CACNA1I: variants seen among roughly 807,000 people sequenced by gnomAD.
CACNA1I encodes the protein calcium voltage-gated channel subunit alpha1 I.
CACNA1I carries 74 observed loss-of-function variants against 201.6 expected under a neutral mutation model. The observed-to-expected ratio is 0.37, with a 90% confidence interval of 0.30 to 0.45. The LOEUF is 0.45. Ranked by LOEUF, CACNA1I falls within the 20% of genes least tolerant of loss-of-function variation. The pLI, the probability that CACNA1I is intolerant of heterozygous loss-of-function variation, is 1.00. For synonymous variants in CACNA1I, 1,431 were observed against 1,345.2 expected (o/e 1.06, Z -1.40); for missense variants, 2,346 against 3,138.1 (o/e 0.75, Z 6.03).
intron 3 of CACNA1I, 42 bp from the exon 4 acceptor site, chr22:39,619,268 G>T: frequency 6.7e-7 from 1 of 1,497,180 alleles, no homozygotes. Context: ...GGCCCCAGCT[G>T]GCCTCCAGCA....
In CACNA1I at chr22:39,570,873, C is replaced by T. The variant is rs1932159124; in HGVS notation, c.121C>T (p.Pro41Ser). 11 of 1,613,672 alleles carry T rather than the reference C, an allele frequency of 6.8e-6. No individual in the cohort carries two copies. Among genetic ancestry groups the T allele is most frequent in the Non-Finnish European group, 9.3e-6 (11 of 1,179,772 alleles). ...ATCCTCCCCGCCAGGCCTGGAGGAG[C>T]CTCTGGATGGAGCTGATCCTCATGT... ...PPSSPPGLEE[P>S]LDGADPHVPH... Residue 41 changes from proline to serine, a missense_variant, in exon 1 of 37, where the codon CCT (proline) becomes TCT (serine). Physicochemically the swap from Pro to Ser is moderately conservative, Grantham distance 74. Coordinates refer to ENST00000402142, the MANE Select transcript of CACNA1I (RefSeq NM_021096.4).
rs747790031 is a variant in CACNA1I, at chr22:39,673,931, G to C, written c.4784-32G>C. On this transcript the variant is annotated intron_variant, in intron 28 of 36. Coordinates refer to ENST00000402142, the MANE Select transcript of CACNA1I (RefSeq NM_021096.4). ...ACACACACGTCCCCACCGGCCTGGG[G>C]CTGAGTGGGCAGGGCTGGGTCTCGC... 2.5e-6 allele frequency: 4 copies of C among 1,608,072 alleles called. No individual in the cohort carries two copies. In the African/African-American group the frequency reaches 5.3e-5, roughly 21 times the overall value.
In CACNA1I at chr22:39,627,903, G is replaced by A. The variant is rs77934128; in HGVS notation, c.581-6662G>A. Among the ~76,000 whole-genome samples the A allele has an allele frequency of 2.9e-5, 4 of 138,680 alleles. No individual in the cohort carries two copies. The East Asian group carries it at 7.7e-4, about 27-fold the overall frequency. 91.0% of individuals were successfully genotyped at this position (138,680 alleles called of 152,430 possible). A position where few individuals can be genotyped will look rare whatever the true frequency, so the allele number is the denominator to read the frequency against. On this transcript the variant is annotated intron_variant, in intron 4 of 36. Coordinates refer to ENST00000402142, the MANE Select transcript of CACNA1I (RefSeq NM_021096.4). ...GAAATGGGGAGATGAAATGAGGGGG[G>A]CCAGTTTCCCCAGGGCTGCTCCCTT...
intron 3 of CACNA1I, among the ~76,000 whole-genome samples, chr22:39,608,039 C>T (rs1933270583): frequency 6.6e-6 from 1 of 151,024 alleles, no homozygotes; most frequent in Non-Finnish European, 1.5e-5. Context: ...TGCTTGAACC[C>T]AGGAGGCGGA....
chr22:39,658,846 T>G, intron 11 of CACNA1I, 85 bp from the exon 12 acceptor site: 1 of 1,154,968 alleles, frequency 8.7e-7, no homozygotes. Flanking sequence ...CTCTCTGTTT[T>G]CCCTTCTCCC....
chr22:39,686,548 G>C lies in CACNA1I; in HGVS notation c.*143G>C. Reference sequence around the variant, plus strand: ...CACAGGCGCCCGACAGCCGGGCTGAGCGGAGTCTGGGTTAGCCAGGCCTGC... The same window carrying C: ...CACAGGCGCCCGACAGCCGGGCTGACCGGAGTCTGGGTTAGCCAGGCCTGC... On this transcript the variant is annotated 3_prime_UTR_variant, in exon 37 of 37. Coordinates refer to ENST00000402142, the MANE Select transcript of CACNA1I (RefSeq NM_021096.4). 2 of 560,600 alleles carry C rather than the reference G, an allele frequency of 3.6e-6. No homozygotes were observed. Among genetic ancestry groups the C allele is most frequent in the Non-Finnish European group, 5.1e-6 (2 of 392,340 alleles). The allele number at this position is 560,600 out of a possible 1,614,324, so 34.7% of individuals were successfully genotyped here.
At chr22:39,657,810 C>T (rs1223365657) in intron 10 of CACNA1I, among the ~76,000 whole-genome samples, 1 of 152,236 alleles carries the variant, frequency 6.6e-6, no homozygotes, top group African/African-American at 2.4e-5. Context: ...GCATCTTAGC[C>T]GTGTGACCTC....
chr22:39,625,583 GGT>G (rs1212669183), intron 4 of CACNA1I, among the ~76,000 whole-genome samples: 1 of 152,164 alleles, frequency 6.6e-6, no homozygotes, highest in Non-Finnish European at 1.5e-5. Context: ...TGGACATCAT[GGT>G]GCTGCTTACA....
intron 17 of CACNA1I, 102 bp from the exon 18 acceptor site, chr22:39,662,674 C>T: frequency 1.2e-6 from 1 of 856,252 alleles, no homozygotes; most frequent in South Asian, 1.5e-5. Context: ...GCAGAGAGTT[C>T]GGAGGTGACC....
At chr22:39,638,065 C>G (rs562986619) in intron 5 of CACNA1I, among the ~76,000 whole-genome samples, 1 of 152,252 alleles carries the variant, frequency 6.6e-6, no homozygotes, top group East Asian at 1.9e-4. Context: ...TCCTGAGTAG[C>G]TGGGATTACA....
chr22:39,593,561 C>T (rs1204335366), intron 1 of CACNA1I, among the ~76,000 whole-genome samples: 1 of 152,136 alleles, frequency 6.6e-6, no homozygotes, highest in Non-Finnish European at 1.5e-5. Context: ...TTGGAGAAAG[C>T]GAGTGCTGAG....
chr22:39,625,873 C>A (rs1933886990), intron 4 of CACNA1I, among the ~76,000 whole-genome samples: 1 of 151,618 alleles, frequency 6.6e-6, no homozygotes, highest in Non-Finnish European at 1.5e-5. Context: ...TCTCAAGGCA[C>A]TGCCTTGCTT....
chr22:39,640,868 C>CA lies in CACNA1I; in HGVS notation c.744dup (p.Gly249ArgfsTer15). 1 of 1,611,066 alleles carries CA rather than the reference C, an allele frequency of 6.2e-7. No homozygotes were observed. Among genetic ancestry groups the CA allele is most frequent in the Non-Finnish European group, 8.5e-7 (1 of 1,178,402 alleles). On this transcript the variant is annotated frameshift_variant and splice_region_variant, in exon 6 of 37. Transcript: ENST00000402142. LOFTEE classifies it high-confidence loss of function. The stretch of plus-strand genomic sequence containing the variant: ...TTACCCACCCTCGCCTGTGGACAGA[C>CA]AAGGGGATGTGGCCTTGCCCCCATA...
chr22:39,660,486 A>G lies in CACNA1I; in HGVS notation c.2698+49A>G, dbSNP rs1934971359. The G allele has an allele frequency of 3.7e-6, 5 of 1,365,696 alleles. No homozygotes were observed. The East Asian group carries it at 1.2e-4, about 32-fold the overall frequency. The allele number at this position is 1,365,696 out of a possible 1,614,324, so 84.6% of individuals were successfully genotyped here. A position where few individuals can be genotyped will look rare whatever the true frequency, so the allele number is the denominator to read the frequency against. ...CTAGAGAGCCCAGAGCCTTCTCCAC[A>G]GATCCAGGTGGGCAGAGGGTACAGC... On this transcript the variant is annotated intron_variant, in intron 15 of 36. Coordinates refer to ENST00000402142, the MANE Select transcript of CACNA1I (RefSeq NM_021096.4).
Position 39,621,073 on chromosome 22 carries a change from A to G in CACNA1I, c.580+1666A>G, listed in dbSNP as rs149344713. ...GCACCTGGCTGCCTGGGGCTTTTATACGCATTTACCCACTTCCTATGGTCC... is the reference window on the plus strand; with the variant it reads ...GCACCTGGCTGCCTGGGGCTTTTATGCGCATTTACCCACTTCCTATGGTCC... On this transcript the variant is annotated intron_variant, in intron 4 of 36. Coordinates refer to ENST00000402142, the MANE Select transcript of CACNA1I (RefSeq NM_021096.4). Among the ~76,000 whole-genome samples, 619 of 152,276 alleles carry G rather than the reference A, an allele frequency of 4.1e-3. 3 individuals carry two copies. Among genetic ancestry groups the G allele is most frequent in the Non-Finnish European group, 5.7e-3 (386 of 68,010 alleles).
At chr22:39,671,056 C>A in intron 26 of CACNA1I, 102 bp downstream of exon 26, 1 of 1,102,092 alleles carries the variant, frequency 9.1e-7, no homozygotes, top group Non-Finnish European at 1.3e-6. Context: ...TAGCTGATAG[C>A]AGGATGTGAG....
intron 1 of CACNA1I, among the ~76,000 whole-genome samples, chr22:39,583,714 CT>C (rs1307282055): frequency 6.6e-6 from 1 of 152,244 alleles, no homozygotes; most frequent in East Asian, 1.9e-4. Context: ...ATTCTACTGT[CT>C]GCTGAATGCC....
chr22:39,597,179 C>T lies in CACNA1I; in HGVS notation c.237-972C>T, dbSNP rs1932911084. ...CCCCAGGACTCAGTCAACTGGAGAT[C>T]CCGTTGGGGAGATCTGAGCAGGCTT... On this transcript the variant is annotated intron_variant, in intron 1 of 36. Transcript: ENST00000402142. Among the ~76,000 whole-genome samples the T allele has an allele frequency of 2.0e-5, 3 of 152,280 alleles. No homozygotes were observed. In the South Asian group the frequency reaches 6.2e-4, roughly 32 times the overall value.
At chr22:39,603,633 T>C (rs892292762) in intron 3 of CACNA1I, among the ~76,000 whole-genome samples, 2 of 152,226 alleles carry the variant, frequency 1.3e-5, no homozygotes, top group Non-Finnish European at 2.9e-5. Flanking sequence ...TAAAAGTCTT[T>C]TCACGATTCT....
Sources: allele counts gnomAD v4.1 joint callset (sites outside exome capture counted in the v4.1 genomes callset), GRCh38; gene constraint gnomAD v4.1.1; transcripts MANE v1.5; gene names NCBI Gene and HGNC (gene_info 2026-07-23, HGNC 2026-07-21).